ZNF414: variants seen among roughly 807,000 people sequenced by gnomAD.
The protein encoded by ZNF414 is zinc finger protein 414.
Under a neutral mutation model 38.3 loss-of-function variants are expected in ZNF414, and 32 were observed. The ratio of observed to expected loss-of-function variants is 0.83; its 90% CI spans 0.63 to 1.12. The LOEUF (loss-of-function observed/expected upper bound fraction) is 1.12, where lower values mean the gene tolerates loss of function less well. Ranked by LOEUF, ZNF414 falls within the 50% of genes most tolerant of loss-of-function variation. The pLI, the probability that ZNF414 is intolerant of heterozygous loss-of-function variation, is 0.00. For synonymous variants in ZNF414, 256 were observed against 248.0 expected (o/e 1.03, Z -0.30); for missense variants, 589 against 557.4 (o/e 1.06, Z -0.57).
chr19:8,513,376 G>A, intron 1 of ZNF414, 35 bp from the exon 2 acceptor site: 1 of 1,528,144 alleles, frequency 6.5e-7, no homozygotes, highest in Non-Finnish European at 8.7e-7. Flanking sequence ...AACCCTTCTG[G>A]GCTCTGGGTC....
intron 6 of ZNF414, 61 bp from the exon 7 acceptor site, chr19:8,511,085 A>G (rs891325111): frequency 4.7e-6 from 6 of 1,281,930 alleles, no homozygotes; most frequent in African/African-American, 1.6e-5. Flanking sequence ...CCCGTGCGCC[A>G]AGGATGGAGG....
At position 8,511,508 on chromosome 19, in the gene ZNF414, C is replaced by A; in HGVS notation, c.903G>T (p.Gln301His). 1 of 1,607,284 alleles carries A rather than the reference C, an allele frequency of 6.2e-7. No individual in the cohort carries two copies. The highest frequency in any genetic ancestry group is 8.5e-7 in the Non-Finnish European group (1 of 1,177,304). ...CACCTGAGGGCGCGTCGGAGCCGCC[C>A]TGGGGTCTTCGGGGGCTGCTGCCAG... ...QGAGSSPRRP[Q>H]GGSDAPSGHA... The change falls in exon 6 of 8, where the codon CAG becomes CAT. Residue 301 changes from glutamine to histidine, a missense_variant. Coordinates refer to ENST00000393927, the MANE Select transcript of ZNF414 (RefSeq NM_001146175.2).
rs1971931221 is a variant in ZNF414, at chr19:8,512,426, G to A, written c.491C>T (p.Ala164Val). ...GGGTTTGTAGTGCAGTTTGCTGTGAGCCACCAGCTCCTGCATGCTGGGGAA... is the reference window on the plus strand; with the variant it reads ...GGGTTTGTAGTGCAGTTTGCTGTGAACCACCAGCTCCTGCATGCTGGGGAA... ...ETFPSMQELV[A>V]HSKLHYKPNR... is the part of the protein sequence containing the mutation. The change falls in exon 4 of 8, where the codon GCT (alanine) becomes GTT (valine). Residue 164 changes from alanine (A) to valine (V), a missense_variant. By Grantham distance (64) the Ala-to-Val change is moderately conservative. Transcript: ENST00000393927. 1 of 1,614,180 alleles carries A rather than the reference G, an allele frequency of 6.2e-7. No individual in the cohort carries two copies. Among genetic ancestry groups the A allele is most frequent in the Non-Finnish European group, 8.5e-7 (1 of 1,180,034 alleles).
rs1568322973 is a variant in ZNF414 at position 8,512,474 on chromosome 19, GAGCAGCGGAAGAGCTTGCCTGGT to G, written c.425-5_442del. On this transcript the variant is annotated splice_acceptor_variant and splice_polypyrimidine_tract_variant and coding_sequence_variant and intron_variant, in exon 4 of 8. Transcript: ENST00000393927. LOFTEE classifies it high-confidence loss of function. ...GAAGGTCTCGGTGCAGCTCAGGGCTGAGCAGCGGAAGAGCTTGCCTGGTAGGGATGAAGGACAGAGAAGTGGAG... is the reference window on the plus strand; with the variant it reads ...GAAGGTCTCGGTGCAGCTCAGGGCTGAGGGATGAAGGACAGAGAAGTGGAG... 1 of 1,613,974 alleles carries G rather than the reference GAGCAGCGGAAGAGCTTGCCTGGT, an allele frequency of 6.2e-7. No homozygotes were observed. Among genetic ancestry groups the G allele is most frequent in the Admixed American group, 1.7e-5 (1 of 60,012 alleles).
Position 8,513,223 on chromosome 19 carries a change from A to G in ZNF414, c.122T>C (p.Met41Thr), listed in dbSNP as rs376868487. 27 of 1,581,374 alleles carry G rather than the reference A, an allele frequency of 1.7e-5. No individual in the cohort carries two copies. In the African/African-American group the frequency reaches 2.7e-4, roughly 16 times the overall value. Reference sequence around the variant, plus strand: ...CTGCTCAGGGCCTGGCTCCTCCGACATGGAGGAGGAAGGGGCTGCAGCTGG... The same window carrying G: ...CTGCTCAGGGCCTGGCTCCTCCGACGTGGAGGAGGAAGGGGCTGCAGCTGG... ...AVPAAAPSSS[M>T]SEEPGPEQAA... The change falls in exon 2 of 8, where the codon ATG becomes ACG. Residue 41 changes from methionine (M) to threonine (T), a missense_variant. Met to Thr is a moderately conservative substitution (Grantham distance 81). Coordinates refer to ENST00000393927, the MANE Select transcript of ZNF414 (RefSeq NM_001146175.2).
intron 1 of ZNF414, 140 bp downstream of exon 1, chr19:8,513,904 G>A: frequency 1.9e-6 from 2 of 1,076,320 alleles, no homozygotes; most frequent in Non-Finnish European, 2.5e-6. Context: ...CGGAAGTAGG[G>A]CGCTCTCCGA....
At chr19:8,512,149 G>A (rs1971926961) in intron 4 of ZNF414, 189 bp from the exon 5 acceptor site, 5 of 1,146,692 alleles carry the variant, frequency 4.4e-6, no homozygotes, top group South Asian at 3.4e-5. Flanking sequence ...AACCCGGAAA[G>A]AAGTCTCAAT....
In ZNF414 at chr19:8,512,411, T is replaced by G; in HGVS notation, c.506A>C (p.His169Pro). Residue 169 changes from histidine (H) to proline (P), a missense_variant, in exon 4 of 8, where the codon CAC becomes CCC. Physicochemically the swap from His to Pro is moderately conservative, Grantham distance 77. Transcript: ENST00000393927. ...CTTGAAGTAGCGATTGGGTTTGTAG[T>G]GCAGTTTGCTGTGAGCCACCAGCTC... ...MQELVAHSKLHYKPNRYFKCE... is the reference protein window; with the variant it reads ...MQELVAHSKLPYKPNRYFKCE... 6.2e-7 allele frequency: 1 copy of G among 1,613,588 alleles called. No individual in the cohort carries two copies. Among genetic ancestry groups the G allele is most frequent in the South Asian group, 1.1e-5 (1 of 91,062 alleles).
intron 4 of ZNF414, 22 bp from the exon 5 acceptor site, chr19:8,511,982 G>A (rs746287012): frequency 1.1e-5 from 16 of 1,407,966 alleles, no homozygotes; most frequent in Non-Finnish European, 1.5e-5. Context: ...CAGAGGGCTG[G>A]GCTGGGCTGG....
chr19:8,511,987 G>A (rs1358328806), intron 4 of ZNF414, 27 bp from the exon 5 acceptor site: 1 of 1,407,544 alleles, frequency 7.1e-7, no homozygotes, highest in Non-Finnish European at 9.2e-7. Flanking sequence ...GGCTGGGCTG[G>A]GCTGGGCCTC....
chr19:8,514,070 T>A lies in ZNF414; in HGVS notation c.-24A>T. 1 of 1,472,456 alleles carries A rather than the reference T, an allele frequency of 6.8e-7. No homozygotes were observed. Among genetic ancestry groups the A allele is most frequent in the Non-Finnish European group, 9.0e-7 (1 of 1,112,764 alleles). 91.2% of individuals were successfully genotyped at this position (1,472,456 alleles called of 1,614,324 possible). A position where few individuals can be genotyped will look rare whatever the true frequency, so the allele number is the denominator to read the frequency against. On this transcript the variant is annotated 5_prime_UTR_variant, in exon 1 of 8. Coordinates refer to ENST00000393927, the MANE Select transcript of ZNF414 (RefSeq NM_001146175.2). Reference sequence around the variant, plus strand: ...ATCTTCGACACGGCTCGGCCTCTTGTTTCTGCGGCTCCGGCGGCTGCAGCT... The same window carrying A: ...ATCTTCGACACGGCTCGGCCTCTTGATTCTGCGGCTCCGGCGGCTGCAGCT...
Position 8,510,852 on chromosome 19 carries a change from CGCGGGGGCGTCGGGGCGCGGCGGCCCG to C in ZNF414, c.1071_1097del (p.Gly358_Ala366del). Reference sequence around the variant, plus strand: ...CACCCGCGCATTCCTCGGCCTTACCCGCGGGGGCGTCGGGGCGCGGCGGCCCGGCCGCGGGGGCCGCGGGGGCGCCGG... The same window carrying C: ...CACCCGCGCATTCCTCGGCCTTACCCGCCGCGGGGGCCGCGGGGGCGCCGG... On this transcript the variant is annotated inframe_deletion and splice_region_variant, in exon 7 of 8. Coordinates refer to ENST00000393927, the MANE Select transcript of ZNF414 (RefSeq NM_001146175.2). 1 of 1,204,370 alleles carries C rather than the reference CGCGGGGGCGTCGGGGCGCGGCGGCCCG, an allele frequency of 8.3e-7. No homozygotes were observed. The highest frequency in any genetic ancestry group is 1.1e-6 in the Non-Finnish European group (1 of 950,996). The allele number at this position is 1,204,370 out of a possible 1,614,324, so 74.6% of individuals were successfully genotyped here.
chr19:8,513,518 C>T (rs1484125512), intron 1 of ZNF414, among the ~76,000 whole-genome samples, 177 bp from the exon 2 acceptor site: 1 of 152,106 alleles, frequency 6.6e-6, no homozygotes, highest in Admixed American at 6.6e-5. Flanking sequence ...GTCTTGAACC[C>T]CTGGTCTCAA....
At chr19:8,512,265 C>T in intron 4 of ZNF414, 122 bp downstream of exon 4, 1 of 1,466,894 alleles carries the variant, frequency 6.8e-7, no homozygotes, top group Non-Finnish European at 9.2e-7. Context: ...CGGGGCTTCC[C>T]CAAAGGCCCA....
chr19:8,511,958 C>A lies in ZNF414; in HGVS notation c.533G>T (p.Cys178Phe). 1 of 1,417,938 alleles carries A rather than the reference C, an allele frequency of 7.1e-7. No individual in the cohort carries two copies. The highest frequency in any genetic ancestry group is 1.7e-5 in the South Asian group (1 of 59,278). The allele number at this position is 1,417,938 out of a possible 1,614,324, so 87.8% of individuals were successfully genotyped here. Residue 178 changes from cysteine to phenylalanine, a missense_variant and splice_region_variant, in exon 5 of 8, where the codon TGT becomes TTT. Coordinates refer to ENST00000393927, the MANE Select transcript of ZNF414 (RefSeq NM_001146175.2). ...LHYKPNRYFKCENCLLRFRTH... is the reference protein window; with the variant it reads ...LHYKPNRYFKFENCLLRFRTH... Reference sequence around the variant, plus strand: ...GCGGAAGCGCAGGAGGCAGTTCTCACACCTGGAGGTGGGCAGAGGGCTGGG... The same window carrying A: ...GCGGAAGCGCAGGAGGCAGTTCTCAAACCTGGAGGTGGGCAGAGGGCTGGG...
chr19:8,511,147 C>CTT (rs1203228770), intron 6 of ZNF414, 123 bp from the exon 7 acceptor site: 1 of 1,277,840 alleles, frequency 7.8e-7, no homozygotes, highest in African/African-American at 1.6e-5. Flanking sequence ...AGCTTCCGGG[C>CTT]GCCTAGTTCA....
intron 6 of ZNF414, 82 bp from the exon 7 acceptor site, chr19:8,511,106 G>C (rs1008400153): frequency 1.1e-5 from 14 of 1,283,686 alleles, no homozygotes. Flanking sequence ...ACGCCGGCGA[G>C]GGTGGGTGGG....
In ZNF414 at chr19:8,513,228, G is replaced by A. The variant is rs769000711; in HGVS notation, c.117C>T (p.Ser39=). The part of the protein sequence containing the change: ...SPAVPAAAPS[S]SMSEEPGPEQ... ...CAGGGCCTGGCTCCTCCGACATGGA[G>A]GAGGAAGGGGCTGCAGCTGGCACAG... The change falls in exon 2 of 8, where the codon TCC becomes TCT. Residue 39 remains serine, a synonymous_variant. Coordinates refer to ENST00000393927, the MANE Select transcript of ZNF414 (RefSeq NM_001146175.2). The A allele has an allele frequency of 1.3e-6, 2 of 1,584,100 alleles. No individual in the cohort carries two copies. The highest frequency in any genetic ancestry group is 8.5e-7 in the Non-Finnish European group (1 of 1,172,070).
chr19:8,511,992 G>C lies in ZNF414; in HGVS notation c.531-32C>G, dbSNP rs1041996441. Reference sequence around the variant, plus strand: ...GTGGGCAGAGGGCTGGGCTGGGCTGGGCCTCCAGGGGCACCAGGGAGAGTG... The same window carrying C: ...GTGGGCAGAGGGCTGGGCTGGGCTGCGCCTCCAGGGGCACCAGGGAGAGTG... On this transcript the variant is annotated intron_variant, in intron 4 of 7. Coordinates refer to ENST00000393927, the MANE Select transcript of ZNF414 (RefSeq NM_001146175.2). 2.9e-6 allele frequency: 4 copies of C among 1,401,106 alleles called. No homozygotes were observed. In the African/African-American group the frequency reaches 5.8e-5, roughly 20 times the overall value. The allele number at this position is 1,401,106 out of a possible 1,614,324, so 86.8% of individuals were successfully genotyped here.
Sources: gnomAD v4.1 joint callset for allele counts (sites outside exome capture counted in the v4.1 genomes callset) on GRCh38, gnomAD v4.1.1 for gene constraint, MANE v1.5 for transcripts, NCBI Gene and HGNC (gene_info 2026-07-23, HGNC 2026-07-21) for gene names.